The following ERC1 variants were observed in gnomAD, a reference collection of about 807,000 sequenced individuals.
The protein encoded by ERC1 is ELKS/RAB6-interacting/CAST family member 1, also known as RAB6 interacting protein 2.
A neutral mutation model predicts 132.0 loss-of-function variants in ERC1; 56 were observed. The ratio of observed to expected loss-of-function variants is 0.42; its 90% confidence interval spans 0.34 to 0.53. The LOEUF (loss-of-function observed/expected upper bound fraction) is 0.53, where lower values mean the gene tolerates loss of function less well. ERC1 is among the 20% of genes least tolerant of loss of function. ERC1 has a pLI of 0.03. For missense variants in ERC1, 1,202 were observed against 1,349.9 expected (o/e 0.89, Z 1.72); for synonymous variants, 478 against 476.1 (o/e 1.00, Z -0.05).
At chr12:1,209,205 A>G (rs982510374) in intron 12 of ERC1, among the ~76,000 whole-genome samples, 1 of 151,706 alleles carries the variant, frequency 6.6e-6, no homozygotes, top group African/African-American at 2.4e-5. Context: ...CTGACCTCAG[A>G]TGATCCACCC....
intron 2 of ERC1, among the ~76,000 whole-genome samples, chr12:1,060,839 C>CCT (rs1937696568): frequency 6.6e-6 from 1 of 151,980 alleles, no homozygotes; most frequent in Admixed American, 6.5e-5. Context: ...CATTCTCCTG[C>CCT]CTCAGCCTCC....
chr12:1,141,881 C>G, intron 8 of ERC1, 94 bp downstream of exon 8: 1 of 1,049,280 alleles, frequency 9.5e-7, no homozygotes, highest in Non-Finnish European at 1.3e-6. Context: ...GAGTTTCTTG[C>G]TCATTTTTCA....
intron 16 of ERC1, among the ~76,000 whole-genome samples, chr12:1,399,351 C>T (rs1309856605): frequency 6.6e-6 from 1 of 152,156 alleles, no homozygotes. Context: ...ACATCCCATG[C>T]AATTTACCCG....
At chr12:1,326,105 A>G (rs1169890642) in intron 15 of ERC1, among the ~76,000 whole-genome samples, 1 of 152,146 alleles carries the variant, frequency 6.6e-6, no homozygotes, top group African/African-American at 2.4e-5. Context: ...TCTTTTTATG[A>G]AAGAATGCCA....
intron 16 of ERC1, among the ~76,000 whole-genome samples, chr12:1,401,135 C>CT (rs374574426): frequency 0.037 from 5,488 of 150,258 alleles, 349 homozygotes; most frequent in African/African-American, 0.13. Flanking sequence ...CGGGGTTTCA[C>CT]GTGTTAGCCA....
chr12:1,134,218 A>G (rs1949038017), intron 7 of ERC1, among the ~76,000 whole-genome samples: 1 of 152,172 alleles, frequency 6.6e-6, no homozygotes, highest in South Asian at 2.1e-4. Flanking sequence ...ATTATATTAA[A>G]GAGATTTGCA....
chr12:1,074,016 C>T (rs1396662924), intron 2 of ERC1, among the ~76,000 whole-genome samples: 4 of 144,620 alleles, frequency 2.8e-5, no homozygotes, highest in Non-Finnish European at 6.0e-5. Flanking sequence ...AGGCACGCAC[C>T]ACTACACCCA....
intron 7 of ERC1, among the ~76,000 whole-genome samples, chr12:1,134,854 G>A (rs1949104965): frequency 6.6e-6 from 1 of 151,636 alleles, no homozygotes. Context: ...TCAGCCTCCT[G>A]AGTAGCTGGG....
At chr12:1,301,755 AACAAGACTTCGTGAC>A (rs1385828328) in intron 15 of ERC1, among the ~76,000 whole-genome samples, 1 of 152,206 alleles carries the variant, frequency 6.6e-6, no homozygotes, top group Non-Finnish European at 1.5e-5. Context: ...TAGTCTGTAC[AACAAGACTTCGTGAC>A]ACAAGTTTAC....
At chr12:1,154,061 T>C (rs1951082144) in intron 8 of ERC1, among the ~76,000 whole-genome samples, 1 of 152,024 alleles carries the variant, frequency 6.6e-6, no homozygotes, top group Admixed American at 6.6e-5. Context: ...CAGCACTGCC[T>C]CCCTCTTATG....
chr12:990,897 G>A (rs555262194), upstream of ERC1, among the ~76,000 whole-genome samples: 5 of 152,056 alleles, frequency 3.3e-5, no homozygotes, highest in South Asian at 2.1e-4. Flanking sequence ...CGCTCGCGGA[G>A]CCGACCCCGG....
chr12:1,442,909 TA>T (rs1286193219), intron 17 of ERC1, among the ~76,000 whole-genome samples: 1 of 152,154 alleles, frequency 6.6e-6, no homozygotes, highest in Non-Finnish European at 1.5e-5. Context: ...ACTTCTTTTT[TA>T]TTTTTTTTTA....
At position 1,112,195 on chromosome 12, in the gene ERC1, GAAT is replaced by G. The variant is rs1945957027; in HGVS notation, c.1318-13_1318-11del. 2 of 1,563,918 alleles carry G rather than the reference GAAT, an allele frequency of 1.3e-6. No homozygotes were observed. The highest frequency in any genetic ancestry group is 1.1e-5 in the South Asian group (1 of 89,968). On this transcript the variant is annotated splice_polypyrimidine_tract_variant and intron_variant, in intron 5 of 18. Coordinates refer to ENST00000360905, the MANE Select transcript of ERC1 (RefSeq NM_178040.4). ...CCTAAGTTGACACATAAGTGAAAAA[GAAT>G]AATAATGTCGTGACAGGTAGAACAA...
At chr12:1,322,134 A>G (rs565308680) in intron 15 of ERC1, among the ~76,000 whole-genome samples, 1 of 150,928 alleles carries the variant, frequency 6.6e-6, no homozygotes, top group East Asian at 1.9e-4. Context: ...GCAGGATTAT[A>G]TACTTATTAT....
chr12:1,482,589 G>A (rs964418799), intron 18 of ERC1, among the ~76,000 whole-genome samples: 1 of 152,032 alleles, frequency 6.6e-6, no homozygotes, highest in African/African-American at 2.4e-5. Flanking sequence ...TGGGATTACA[G>A]GCACCTGCCA....
At chr12:1,360,630 CTG>C (rs996662484) in intron 15 of ERC1, among the ~76,000 whole-genome samples, 13 of 152,184 alleles carry the variant, frequency 8.5e-5, no homozygotes, top group African/African-American at 2.9e-4. Context: ...TGCAATAAAA[CTG>C]TGAAGCTTAA....
chr12:1,100,609 G>T (rs986962522), intron 3 of ERC1, among the ~76,000 whole-genome samples: 4 of 152,072 alleles, frequency 2.6e-5, no homozygotes, highest in African/African-American at 9.7e-5. Flanking sequence ...TGATGAGTTG[G>T]ATATAGGTGT....
chr12:1,113,016 C>CT (rs1474959452), intron 6 of ERC1, among the ~76,000 whole-genome samples: 12 of 152,108 alleles, frequency 7.9e-5, no homozygotes, highest in African/African-American at 2.9e-4. Context: ...CATGTACAGG[C>CT]TTTTTTCCCA....
chr12:1,353,829 C>T (rs73038670), intron 15 of ERC1, among the ~76,000 whole-genome samples: 4,821 of 152,302 alleles, frequency 0.032, 82 homozygotes, highest in Middle Eastern at 0.065. Flanking sequence ...CTGAAACTAC[C>T]CTCCAAAGTA....
Sources: gnomAD v4.1 joint callset for allele counts (sites outside exome capture counted in the v4.1 genomes callset) on GRCh38, gnomAD v4.1.1 for gene constraint, MANE v1.5 for transcripts, NCBI Gene and HGNC (gene_info 2026-07-23, HGNC 2026-07-21) for gene names.